Variants in RGSL1 observed in about 807,000 individuals in gnomAD.
The protein encoded by RGSL1 is regulator of G protein signaling like 1, also known as regulator of G protein signaling protein-like.
In RGSL1, 97 loss-of-function variants were observed where a neutral mutation model predicts 124.7. The ratio of observed to expected loss-of-function variants is 0.78; its 90% CI spans 0.66 to 0.92. The LOEUF (loss-of-function observed/expected upper bound fraction) is 0.92. Ranked by LOEUF, RGSL1 falls within the 40% of genes least tolerant of loss-of-function variation. The pLI is 0.00. For synonymous variants in RGSL1, 424 were observed against 438.1 expected (o/e 0.97, Z 0.40); for missense variants, 1,233 against 1,288.4 (o/e 0.96, Z 0.66).
chr1:182,513,905 T>C (rs1333436952), intron 9 of RGSL1, among the ~76,000 whole-genome samples: 3 of 151,608 alleles, frequency 2.0e-5, no homozygotes, highest in South Asian at 2.1e-4. Context: ...ATCTTTTTTT[T>C]TTTTTTTTGA....
chr1:182,530,736 CT>C, intron 12 of RGSL1, 53 bp from the exon 13 acceptor site: 2 of 1,474,070 alleles, frequency 1.4e-6, no homozygotes, highest in Non-Finnish European at 1.8e-6. Flanking sequence ...GGACTGTCAT[CT>C]TTTATGTGCC....
chr1:182,469,367 C>A (rs34155813), intron 4 of RGSL1, among the ~76,000 whole-genome samples: 24,690 of 152,116 alleles, frequency 0.16, 2,454 homozygotes, highest in Middle Eastern at 0.26. Flanking sequence ...TTAAACAAAA[C>A]ATTCCTCCAA....
intron 1 of RGSL1, among the ~76,000 whole-genome samples, chr1:182,451,143 C>CAA (rs569488586): frequency 0.032 from 3,337 of 104,814 alleles, 165 homozygotes; most frequent in African/African-American, 0.1. Flanking sequence ...GAGACTTTGG[C>CAA]AAAAAAAAAA....
intron 9 of RGSL1, among the ~76,000 whole-genome samples, chr1:182,504,308 C>T (rs963626708): frequency 4.6e-5 from 7 of 151,966 alleles, no homozygotes; most frequent in South Asian, 2.1e-4. Flanking sequence ...TACTCTCTTT[C>T]GGTTAGACAT....
chr1:182,532,615 C>A, intron 13 of RGSL1, 47 bp from the exon 14 acceptor site: 1 of 1,538,014 alleles, frequency 6.5e-7, no homozygotes, highest in Admixed American at 2.0e-5. Flanking sequence ...TCTCGGTGAA[C>A]AGCAACCATA....
chr1:182,459,079 C>A (rs1380859102), intron 3 of RGSL1, among the ~76,000 whole-genome samples: 1 of 152,164 alleles, frequency 6.6e-6, no homozygotes. Flanking sequence ...AATTGACTGG[C>A]AATGTCTGCA....
chr1:182,553,487 A>G lies in RGSL1; in HGVS notation c.3076A>G (p.Arg1026Gly). 2 of 1,552,038 alleles carry G rather than the reference A, an allele frequency of 1.3e-6. No homozygotes were observed. Among genetic ancestry groups the G allele is most frequent in the Non-Finnish European group, 8.7e-7 (1 of 1,147,044 alleles). The change falls in exon 19 of 22, where the codon AGA (arginine) becomes GGA (glycine). Residue 1026 changes from arginine (R) to glycine (G), a missense_variant. Transcript: ENST00000294854. ...TGCCATCTTAAGGTTCACCTTGCTC[A>G]GAGGTATTGAGTGGTTGCAGCCTCA... ...DNAILRFTLLRGIEWLQPQRE... is the reference protein window; with the variant it reads ...DNAILRFTLLGGIEWLQPQRE...
chr1:182,476,945 T>C (rs569358747), intron 6 of RGSL1, among the ~76,000 whole-genome samples: 4 of 152,350 alleles, frequency 2.6e-5, no homozygotes, highest in South Asian at 2.1e-4. Context: ...GGCCATTTGA[T>C]ATAAAATTGC....
chr1:182,448,666 A>G (rs900757803), upstream of RGSL1, among the ~76,000 whole-genome samples: 1 of 152,206 alleles, frequency 6.6e-6, no homozygotes, highest in Non-Finnish European at 1.5e-5. Context: ...CAACCCTGTC[A>G]ATAAGGTAAT....
chr1:182,497,408 ATATAT>A (rs1298835428), intron 9 of RGSL1, among the ~76,000 whole-genome samples: 8 of 150,666 alleles, frequency 5.3e-5, no homozygotes, highest in African/African-American at 1.7e-4. Context: ...CAGGAGACAG[ATATAT>A]TATATATCTG....
chr1:182,509,790 A>C, intron 9 of RGSL1, among the ~76,000 whole-genome samples: 2 of 113,540 alleles, frequency 1.8e-5, no homozygotes, highest in East Asian at 2.9e-4. Flanking sequence ...TCCCTCCCGG[A>C]TGGGGCGGCT....
rs575532964 is a variant in RGSL1 at position 182,547,732 on chromosome 1, A to T, written c.2670-585A>T. On this transcript the variant is annotated intron_variant, in intron 15 of 21. Coordinates refer to ENST00000294854, the MANE Select transcript of RGSL1 (RefSeq NM_001137669.2). ...AAAAATTAGCCAGGTGTGGTGGCAGACGCCTGTAGTCCCAGCTACTCAGGA... is the reference window on the plus strand; with the variant it reads ...AAAAATTAGCCAGGTGTGGTGGCAGTCGCCTGTAGTCCCAGCTACTCAGGA... 2.6e-5 allele frequency among the ~76,000 whole-genome samples: 4 copies of T among 152,146 alleles called. No individual in the cohort carries two copies. In the South Asian group the frequency reaches 8.3e-4, roughly 32 times the overall value.
intron 9 of RGSL1, among the ~76,000 whole-genome samples, chr1:182,508,214 A>G (rs993185342): frequency 6.6e-6 from 1 of 151,298 alleles, no homozygotes; most frequent in African/African-American, 2.4e-5. Context: ...TTTGATAAAA[A>G]GCCATTTTAA....
chr1:182,472,444 T>C lies in RGSL1; in HGVS notation c.350T>C (p.Ile117Thr). Reference protein sequence around the residue: ...FWILAENILSIDEMDLEVRDY... With the variant: ...FWILAENILSTDEMDLEVRDY... ...ATCCTTGCTGAGAACATCCTGAGCA[T>C]AGATGAGATGGACCTGGAAGTGAGA... is the stretch of plus-strand genomic sequence containing the variant. Residue 117 changes from isoleucine to threonine, a missense_variant, in exon 5 of 22, where the codon ATA becomes ACA. Coordinates refer to ENST00000294854, the MANE Select transcript of RGSL1 (RefSeq NM_001137669.2). The C allele has an allele frequency of 5.2e-6, 8 of 1,551,188 alleles. No homozygotes were observed. The highest frequency in any genetic ancestry group is 7.0e-6 in the Non-Finnish European group (8 of 1,146,658).
chr1:182,518,624 G>A (rs970710546), intron 9 of RGSL1, among the ~76,000 whole-genome samples: 7 of 152,130 alleles, frequency 4.6e-5, no homozygotes, highest in African/African-American at 1.7e-4. Flanking sequence ...CCAAGATGGT[G>A]GAGAAGCTGC....
At chr1:182,452,410 T>G (rs1651918426) in intron 1 of RGSL1, among the ~76,000 whole-genome samples, 1 of 151,454 alleles carries the variant, frequency 6.6e-6, no homozygotes. Flanking sequence ...AGAGGGCAAG[T>G]GCTGATACCA....
At position 182,498,209 on chromosome 1, in the gene RGSL1, T is replaced by C. The variant is rs559295695; in HGVS notation, c.1825+5080T>C. On this transcript the variant is annotated intron_variant, in intron 9 of 21. Transcript: ENST00000294854. ...GGGTTATAATTCATTACTGTGATTA[T>C]TTTGGTGCTCAAATATTCCCCAGTT... Among the ~76,000 whole-genome samples, 5 of 152,252 alleles carry C rather than the reference T, an allele frequency of 3.3e-5. No homozygotes were observed. The East Asian group carries it at 9.6e-4, about 29-fold the overall frequency.
At chr1:182,519,730 CT>C (rs1306969899) in intron 9 of RGSL1, among the ~76,000 whole-genome samples, 1 of 151,820 alleles carries the variant, frequency 6.6e-6, no homozygotes, top group African/African-American at 2.4e-5. Flanking sequence ...ATTTCGTATA[CT>C]TTTTTCTGTA....
chr1:182,461,043 T>C (rs1652790532), intron 4 of RGSL1, among the ~76,000 whole-genome samples: 1 of 152,210 alleles, frequency 6.6e-6, no homozygotes, highest in Non-Finnish European at 1.5e-5. Flanking sequence ...CACATTGTTA[T>C]ACTTTCCCTT....
Sources: allele counts gnomAD v4.1 joint callset (sites outside exome capture counted in the v4.1 genomes callset), GRCh38; gene constraint gnomAD v4.1.1; transcripts MANE v1.5; gene names NCBI Gene and HGNC (gene_info 2026-07-23, HGNC 2026-07-21).